The following HNRNPK variants were observed in gnomAD, a reference collection of about 807,000 sequenced individuals.
The protein encoded by HNRNPK is heterogeneous nuclear ribonucleoprotein K, also known as dC-stretch binding protein.
HNRNPK carries 7 observed loss-of-function variants against 67.0 expected under a neutral mutation model. The observed-to-expected ratio is 0.10, with a 90% CI of 0.06 to 0.20. The LOEUF (loss-of-function observed/expected upper bound fraction) is 0.20, where lower values mean the gene tolerates loss of function less well. HNRNPK is among the 10% of genes least tolerant of loss of function. The pLI, the probability that HNRNPK is intolerant of heterozygous loss-of-function variation, is 1.00. For missense variants in HNRNPK, 264 were observed against 606.5 expected, an observed-to-expected ratio of 0.44 and a Z score of 5.93; for synonymous variants, 213 against 193.7, an observed-to-expected ratio of 1.10 and a Z score of -0.83.
In HNRNPK at chr9:83,972,121, A is replaced by C. The variant is rs1564061971; in HGVS notation, c.714T>G (p.Gly238=). Residue 238 remains glycine, a synonymous_variant, in exon 11 of 17, where the codon GGT becomes GGG. Coordinates refer to ENST00000376263, the MANE Select transcript of HNRNPK (RefSeq NM_031263.4). Reference sequence around the variant, plus strand: ...GACGGTCATCAAACATCATTGTAAAACCACCATAATCATAGGTTTCATCGT... The same window carrying C: ...GACGGTCATCAAACATCATTGTAAACCCACCATAATCATAGGTTTCATCGT... ...NFYDETYDYG[G]FTMMFDDRRG... is the part of the protein sequence containing the mutation. The C allele has an allele frequency of 3.1e-6, 5 of 1,613,856 alleles. No homozygotes were observed. Among genetic ancestry groups the C allele is most frequent in the Non-Finnish European group, 4.2e-6 (5 of 1,179,832 alleles).
At chr9:83,979,461 G>A (rs908857985) in intron 1 of HNRNPK, among the ~76,000 whole-genome samples, 9 of 152,204 alleles carry the variant, frequency 5.9e-5, no homozygotes, top group Admixed American at 3.3e-4. Flanking sequence ...CTAGTCCCCA[G>A]GCCTCAAAAA....
At chr9:83,971,174 T>C in intron 13 of HNRNPK, 99 bp downstream of exon 13, 1 of 908,292 alleles carries the variant, frequency 1.1e-6, no homozygotes, top group South Asian at 1.3e-5. Context: ...TGTATCCTAT[T>C]TTCAGTAAGT....
chr9:83,971,802 C>T, intron 11 of HNRNPK, 76 bp from the exon 12 acceptor site: 1 of 1,591,352 alleles, frequency 6.3e-7, no homozygotes, highest in Non-Finnish European at 8.6e-7. Flanking sequence ...ACCTTGTCTA[C>T]CACTAAGTGC....
chr9:83,973,015 A>C, intron 9 of HNRNPK, 43 bp from the exon 10 acceptor site: 1 of 1,438,392 alleles, frequency 7.0e-7, no homozygotes. Context: ...ATTAGAAGAA[A>C]ATTAGCTTTC....
chr9:83,971,202 A>G (rs1588414122), intron 13 of HNRNPK, 71 bp downstream of exon 13: 1 of 1,088,660 alleles, frequency 9.2e-7, no homozygotes, highest in South Asian at 1.2e-5. Context: ...GGGGAATAAA[A>G]AACTTACTGG....
chr9:83,971,225 C>T, intron 13 of HNRNPK, 48 bp downstream of exon 13: 1 of 1,199,524 alleles, frequency 8.3e-7, no homozygotes, highest in Non-Finnish European at 1.2e-6. Context: ...AGCAGGTAAG[C>T]ATCTTAAATT....
chr9:83,970,058 G>A (rs962372012), intron 16 of HNRNPK, 104 bp downstream of exon 16: 6 of 904,796 alleles, frequency 6.6e-6, no homozygotes, highest in East Asian at 2.4e-5. Context: ...GTCCCCAAAA[G>A]GTTGAGACAC....
At chr9:83,976,680 A>G in intron 5 of HNRNPK, 1 of 220,202 alleles carries the variant, frequency 4.5e-6, no homozygotes, top group Non-Finnish European at 8.8e-6. Context: ...CACACAGGAA[A>G]TGGTGCAATC....
In HNRNPK at chr9:83,968,374, A is replaced by G. The variant is rs1427236167; in HGVS notation, c.*1033T>C. On this transcript the variant is annotated 3_prime_UTR_variant, in exon 17 of 17. Transcript: ENST00000376263. ...CTTTCAATTTGCATACAATGGAAAAACAAGTATATATATATTTTACAAAGT... is the reference window on the plus strand; with the variant it reads ...CTTTCAATTTGCATACAATGGAAAAGCAAGTATATATATATTTTACAAAGT... 6.6e-6 allele frequency: 1 copy of G among 152,588 alleles called. No homozygotes were observed. Among genetic ancestry groups the G allele is most frequent in the Non-Finnish European group, 1.5e-5 (1 of 68,044 alleles). 9.5% of individuals were successfully genotyped at this position (152,588 alleles called of 1,614,324 possible).
At chr9:83,970,082 A>T in intron 16 of HNRNPK, 80 bp downstream of exon 16, 4 of 1,230,224 alleles carry the variant, frequency 3.3e-6, no homozygotes, top group South Asian at 1.4e-5. Flanking sequence ...GGCTTCTAAA[A>T]GAAAAAAATC....
At chr9:83,970,467 A>AGGTTT in intron 15 of HNRNPK, 136 bp from the exon 16 acceptor site, 4 of 725,456 alleles carry the variant, frequency 5.5e-6, no homozygotes, top group Non-Finnish European at 9.0e-6. Context: ...TAAACCTGTC[A>AGGTTT]AGGTTTGAGT....
At chr9:83,972,223 AAG>A in intron 10 of HNRNPK, 34 bp from the exon 11 acceptor site, 2 of 1,488,260 alleles carry the variant, frequency 1.3e-6, no homozygotes, top group Non-Finnish European at 1.8e-6. Flanking sequence ...TTACAGACTG[AAG>A]AAAAAGAGTC....
At chr9:83,973,429 C>A (rs1289912748) in intron 8 of HNRNPK, 30 bp from the exon 9 acceptor site, 1 of 1,267,578 alleles carries the variant, frequency 7.9e-7, no homozygotes, top group East Asian at 2.3e-5. Flanking sequence ...AAATTTTAGT[C>A]TCAAATCAAC....
chr9:83,970,860 G>T (rs539096532), intron 14 of HNRNPK, 37 bp downstream of exon 14: 116 of 1,609,770 alleles, frequency 7.2e-5, no homozygotes, highest in Admixed American at 3.8e-4. Flanking sequence ...TAAAAAGTAT[G>T]AAATTAATGT....
chr9:83,974,066 A>C, intron 7 of HNRNPK, 93 bp from the exon 8 acceptor site: 2 of 718,416 alleles, frequency 2.8e-6, no homozygotes, highest in Non-Finnish European at 2.4e-6. Context: ...ACATATTTTA[A>C]ATCTATATTA....
At chr9:83,977,975 A>G (rs928813462) in intron 3 of HNRNPK, among the ~76,000 whole-genome samples, 189 bp from the exon 4 acceptor site, 6 of 152,232 alleles carry the variant, frequency 3.9e-5, no homozygotes, top group South Asian at 4.1e-4. Context: ...AAAATACTTC[A>G]AAGGATTTGA....
chr9:83,972,862 G>C lies in HNRNPK; in HGVS notation c.627C>G (p.Ile209Met). ...PDRVVECIKI[I>M]LDLISESPIK... ...GAAGTACCTCAGATATAAGATCAAG[G>C]ATGATCTTTATGCACTCTACAACCC... The change falls in exon 10 of 17, where the codon ATC (isoleucine) becomes ATG (methionine). Residue 209 changes from isoleucine (I) to methionine (M), a missense_variant. By Grantham distance (10) the Ile-to-Met change is conservative. This residue lies in a region of HNRNPK where 142 missense variants were observed against 256.5 expected (regional missense o/e 0.55). Transcript: ENST00000376263. 1 of 1,601,998 alleles carries C rather than the reference G, an allele frequency of 6.2e-7. No individual in the cohort carries two copies. Among genetic ancestry groups the C allele is most frequent in the Non-Finnish European group, 8.5e-7 (1 of 1,174,422 alleles).
At position 83,973,269 on chromosome 9, in the gene HNRNPK, AAT is replaced by A; in HGVS notation, c.516+15_516+16del. 1.5e-6 allele frequency: 2 copies of A among 1,356,250 alleles called. No homozygotes were observed. Among genetic ancestry groups the A allele is most frequent in the South Asian group, 1.2e-5 (1 of 84,764 alleles). 84.0% of individuals were successfully genotyped at this position (1,356,250 alleles called of 1,614,324 possible). Reference sequence around the variant, plus strand: ...TACTTTCCAGCAAAGAATACGGCAGAATTTTTTTTTTTTTACCTCTCGAAGTT... The same window carrying A: ...TACTTTCCAGCAAAGAATACGGCAGATTTTTTTTTTTTACCTCTCGAAGTT... On this transcript the variant is annotated intron_variant, in intron 9 of 16. Transcript: ENST00000376263.
chr9:83,969,908 T>C, intron 16 of HNRNPK: 1 of 622,646 alleles, frequency 1.6e-6, no homozygotes, highest in Non-Finnish European at 3.1e-6. Context: ...ACAAGTGGTT[T>C]TGGCAGCAGT....
Sources: gnomAD v4.1 joint callset for allele counts (sites outside exome capture counted in the v4.1 genomes callset) on GRCh38, gnomAD v4.1.1 for gene constraint, gnomAD v4.1.1 regional missense constraint, MANE v1.5 for transcripts, NCBI Gene and HGNC (gene_info 2026-07-23, HGNC 2026-07-21) for gene names.